The following CDK6 variants were observed in gnomAD, a reference collection of about 807,000 sequenced individuals.
The protein encoded by CDK6 is cyclin-dependent kinase 6.
In CDK6, 6 loss-of-function variants were observed where a neutral mutation model predicts 37.1. The observed-to-expected ratio is 0.16, with a 90% CI of 0.09 to 0.32. CDK6 has a LOEUF of 0.32. CDK6 is among the 10% of genes least tolerant of loss of function. The pLI is 1.00. For missense variants in CDK6, 224 were observed against 418.9 expected (o/e 0.53, Z 4.06); for synonymous variants, 160 against 161.3 (o/e 0.99, Z 0.06).
chr7:92,675,835 C>T (rs1417408019), intron 4 of CDK6, among the ~76,000 whole-genome samples: 1 of 152,112 alleles, frequency 6.6e-6, no homozygotes, highest in Non-Finnish European at 1.5e-5. Context: ...TACGAACATT[C>T]TTAATCTAGA....
chr7:92,794,171 G>C (rs1243024364), intron 2 of CDK6, among the ~76,000 whole-genome samples: 1 of 152,144 alleles, frequency 6.6e-6, no homozygotes, highest in Non-Finnish European at 1.5e-5. Context: ...CAAAGTAGCA[G>C]AAGAAATAGC....
In CDK6 at chr7:92,833,761, C is replaced by G. The variant is rs1027654273; in HGVS notation, c.-367-71G>C. 1 of 410,150 alleles carries G rather than the reference C, an allele frequency of 2.4e-6. No individual in the cohort carries two copies. Among genetic ancestry groups the G allele is most frequent in the Non-Finnish European group, 4.3e-6 (1 of 234,236 alleles). 25.4% of individuals were successfully genotyped at this position (410,150 alleles called of 1,614,324 possible). A position where few individuals can be genotyped will look rare whatever the true frequency, so the allele number is the denominator to read the frequency against. The stretch of plus-strand genomic sequence containing the variant: ...CCCAGAAGCCTTCCTCGGGGTTCCT[C>G]CAGACTCCCCTCCTCCTCCTTTACG... On this transcript the variant is annotated intron_variant, in intron 1 of 7. Transcript: ENST00000424848. The surrounding 1 kb of genome is among the most constrained non-coding windows in gnomAD (Gnocchi z 6.1).
intron 4 of CDK6, among the ~76,000 whole-genome samples, chr7:92,712,834 C>CTATG (rs4015287): frequency 0.17 from 24,728 of 146,294 alleles, 2,237 homozygotes; most frequent in Non-Finnish European, 0.19. Context: ...GACATTAATC[C>CTATG]TATGTATGTA....
intron 2 of CDK6, among the ~76,000 whole-genome samples, chr7:92,825,114 A>C (rs1261728722): frequency 6.6e-6 from 1 of 152,132 alleles, no homozygotes; most frequent in African/African-American, 2.4e-5. Flanking sequence ...ATTGTGAAAC[A>C]AATTGCAGAC....
At chr7:92,782,717 T>C (rs1396549237) in intron 2 of CDK6, among the ~76,000 whole-genome samples, 2 of 152,212 alleles carry the variant, frequency 1.3e-5, no homozygotes, top group Admixed American at 6.5e-5. Context: ...GTGTGTTTGA[T>C]CTACCCCTGG....
chr7:92,653,784 G>T (rs6954290), intron 5 of CDK6, among the ~76,000 whole-genome samples: 51,629 of 151,386 alleles, frequency 0.34, 9,363 homozygotes, highest in Middle Eastern at 0.44. Flanking sequence ...TTCTCTTTTC[G>T]TATTTAGAGA....
chr7:92,753,745 T>C (rs1442393924), intron 3 of CDK6, among the ~76,000 whole-genome samples: 2 of 152,228 alleles, frequency 1.3e-5, no homozygotes, highest in Admixed American at 1.3e-4. Context: ...CCTGACATCA[T>C]GGCAGAAGTA....
At chr7:92,792,221 G>T (rs1438729741) in intron 2 of CDK6, among the ~76,000 whole-genome samples, 1 of 152,084 alleles carries the variant, frequency 6.6e-6, no homozygotes, top group Non-Finnish European at 1.5e-5. Flanking sequence ...ATACTCTTCA[G>T]CTGTCTATCA....
intron 5 of CDK6, among the ~76,000 whole-genome samples, chr7:92,630,922 A>ATTAG (rs1796036697): frequency 6.6e-6 from 1 of 152,168 alleles, no homozygotes; most frequent in Non-Finnish European, 1.5e-5. Context: ...CCACTGATTA[A>ATTAG]TTAGTGAGGC....
chr7:92,651,887 G>A (rs991531611), intron 5 of CDK6, among the ~76,000 whole-genome samples: 3 of 152,074 alleles, frequency 2.0e-5, no homozygotes, highest in Non-Finnish European at 4.4e-5. Context: ...TCCAAGGAGG[G>A]GCTCTTTACC....
intron 5 of CDK6, among the ~76,000 whole-genome samples, chr7:92,671,040 C>CA (rs1370045509): frequency 6.6e-6 from 1 of 152,078 alleles, no homozygotes; most frequent in Non-Finnish European, 1.5e-5. Context: ...AAAATTCCAT[C>CA]AAAAAAGTTT....
intron 2 of CDK6, among the ~76,000 whole-genome samples, chr7:92,815,683 A>G (rs975643828): frequency 2.6e-4 from 39 of 152,194 alleles, no homozygotes; most frequent in Admixed American, 3.3e-4. Flanking sequence ...GGGTAGGCAG[A>G]GATCAGAGTT....
chr7:92,774,958 A>G, intron 2 of CDK6, 127 bp from the exon 3 acceptor site: 1 of 801,204 alleles, frequency 1.2e-6, no homozygotes, highest in Non-Finnish European at 1.9e-6. Flanking sequence ...ATTTCTTGTG[A>G]TCATATGTAA....
At chr7:92,806,645 G>A (rs756603077) in intron 2 of CDK6, among the ~76,000 whole-genome samples, 24 of 152,176 alleles carry the variant, frequency 1.6e-4, no homozygotes, top group Non-Finnish European at 3.1e-4. Flanking sequence ...ACCAGATGAC[G>A]GGCACAGGAT....
intron 4 of CDK6, among the ~76,000 whole-genome samples, chr7:92,678,195 C>T (rs1344750951): frequency 2.0e-5 from 3 of 151,986 alleles, no homozygotes; most frequent in Non-Finnish European, 4.4e-5. Flanking sequence ...AATTTTAAAA[C>T]ATGTTGAGGA....
At chr7:92,650,777 C>G (rs1374025562) in intron 5 of CDK6, among the ~76,000 whole-genome samples, 1 of 152,196 alleles carries the variant, frequency 6.6e-6, no homozygotes, top group Non-Finnish European at 1.5e-5. Flanking sequence ...CTAGAGGTCT[C>G]TCTCTGGTTC....
chr7:92,662,299 G>A (rs1404883893), intron 5 of CDK6, among the ~76,000 whole-genome samples: 2 of 152,130 alleles, frequency 1.3e-5, no homozygotes, highest in Non-Finnish European at 1.5e-5. Flanking sequence ...TGGAGATGGG[G>A]CTGAATGTTG....
chr7:92,791,902 A>G (rs1405288751), intron 2 of CDK6, among the ~76,000 whole-genome samples: 1 of 152,192 alleles, frequency 6.6e-6, no homozygotes, highest in Non-Finnish European at 1.5e-5. Context: ...AAGAGCTGGA[A>G]AAGTACACAG....
intron 2 of CDK6, among the ~76,000 whole-genome samples, chr7:92,821,745 G>T (rs549359687): frequency 2.0e-5 from 3 of 150,006 alleles, no homozygotes; most frequent in African/African-American, 7.4e-5. Context: ...TTAGTTTATT[G>T]CTATGTAATA....
Sources: allele counts gnomAD v4.1 joint callset (sites outside exome capture counted in the v4.1 genomes callset), GRCh38; gene constraint gnomAD v4.1.1; non-coding constraint Gnocchi (gnomAD v3.1); transcripts MANE v1.5; gene names NCBI Gene and HGNC (gene_info 2026-07-23, HGNC 2026-07-21).